The following CDKL5 variants were observed in gnomAD, a reference collection of about 807,000 sequenced individuals.
The protein encoded by CDKL5 is cyclin-dependent kinase-like 5.
Under a neutral mutation model 61.7 loss-of-function variants are expected in CDKL5, and 8 were observed. The observed-to-expected ratio is 0.13, with a 90% CI of 0.08 to 0.23. CDKL5 has a LOEUF of 0.23. Among genes scored for constraint, CDKL5 ranks in the 10% least tolerant of loss-of-function variants. CDKL5 has a pLI of 1.00. For missense variants in CDKL5, 440 were observed against 734.5 expected (o/e 0.60, Z 4.63); for synonymous variants, 275 against 272.3 (o/e 1.01, Z -0.10).
At chrX:18,530,553 C>G (rs894799575) in intron 3 of CDKL5, among the ~76,000 whole-genome samples, 1 of 110,971 alleles carries the variant, frequency 9.0e-6, no homozygotes, top group Non-Finnish European at 1.9e-5. Flanking sequence ...GCTTACATTA[C>G]CCATCTGTTC....
chrX:18,438,768 C>T (rs1443951716), intron 1 of CDKL5, among the ~76,000 whole-genome samples: 2 of 89,665 alleles, frequency 2.2e-5, no homozygotes, highest in African/African-American at 8.7e-5. Context: ...CCAGCCTGGG[C>T]GACAGAGCGA....
At chrX:18,446,364 CAAAAA>C (rs993989634) in intron 1 of CDKL5, among the ~76,000 whole-genome samples, 2 of 105,988 alleles carry the variant, frequency 1.9e-5, no homozygotes, top group African/African-American at 7.2e-5. Context: ...AAAAAAAAAA[CAAAAA>C]AACAAAAAAA....
intron 1 of CDKL5, among the ~76,000 whole-genome samples, chrX:18,475,208 C>T (rs1044807663): frequency 2.7e-5 from 3 of 111,837 alleles, no homozygotes; most frequent in Non-Finnish European, 5.6e-5. Context: ...ATCCGCCCAC[C>T]TTGGCCTCCC....
In CDKL5 at chrX:18,630,473, C is replaced by T. The variant is rs1927202308; in HGVS notation, c.*1716C>T. 1.3e-6 allele frequency: 1 copy of T among 750,422 alleles called. No homozygotes were observed. The highest frequency in any genetic ancestry group is 9.0e-5 in the Admixed American group (1 of 11,097). 61.8% of individuals were successfully genotyped at this position (750,422 alleles called of 1,213,427 possible). On this transcript the variant is annotated 3_prime_UTR_variant, in exon 18 of 18. Transcript: ENST00000623535. ...TGTCCTCAAATTCTGAGTGTCAGCC[C>T]CTGCATCAAGTCAGCTATGATCAAA...
chrX:18,587,817 CCTT>C (rs1218966943), intron 8 of CDKL5, 134 bp from the exon 9 acceptor site: 8 of 568,040 alleles, frequency 1.4e-5, no homozygotes, highest in East Asian at 3.6e-5. Flanking sequence ...TGCTTTTCAG[CCTT>C]CTTTTCACAT....
chrX:18,548,561 G>A (rs1443849073), intron 3 of CDKL5, among the ~76,000 whole-genome samples: 1 of 112,332 alleles, frequency 8.9e-6, no homozygotes, highest in Non-Finnish European at 1.9e-5. Context: ...ATGGCAAAAC[G>A]CTGTGACTTG....
intron 14 of CDKL5, among the ~76,000 whole-genome samples, chrX:18,609,807 G>A (rs1464138753): frequency 1.8e-5 from 2 of 111,464 alleles, no homozygotes; most frequent in Non-Finnish European, 3.8e-5. Context: ...AGAGACTAGA[G>A]TGATCCTTCT....
chrX:18,577,670 T>G (rs1315179956), intron 5 of CDKL5, among the ~76,000 whole-genome samples: 4 of 111,884 alleles, frequency 3.6e-5, no homozygotes, highest in Non-Finnish European at 7.5e-5. Context: ...CCACATTAGC[T>G]GCAAGGCAGA....
chrX:18,447,380 C>G (rs753871137), intron 1 of CDKL5, among the ~76,000 whole-genome samples: 1 of 111,485 alleles, frequency 9.0e-6, no homozygotes, highest in East Asian at 2.8e-4. Context: ...TCCTAGCTAC[C>G]TAACTTCTCC....
chrX:18,451,420 G>A (rs1052795801), intron 1 of CDKL5, among the ~76,000 whole-genome samples: 6 of 111,779 alleles, frequency 5.4e-5, no homozygotes, highest in Non-Finnish European at 9.4e-5. Context: ...TTGAACTCCC[G>A]ACCTCAGGTG....
intron 3 of CDKL5, among the ~76,000 whole-genome samples, chrX:18,550,851 G>C (rs888415099): frequency 5.3e-5 from 6 of 112,975 alleles, no homozygotes; most frequent in African/African-American, 1.9e-4. Context: ...CTGAAAGGCT[G>C]TCTGACAGGC....
intron 1 of CDKL5, among the ~76,000 whole-genome samples, chrX:18,430,365 A>T (rs1184821746): frequency 1.8e-5 from 2 of 112,214 alleles, no homozygotes; most frequent in African/African-American, 6.5e-5. Context: ...AGCCATTATA[A>T]TTTGCAGATG....
Position 18,630,028 on chromosome X carries a change from G to A in CDKL5, c.*1271G>A. ...TTGGCTGATGGGGTGTGAGATATAT[G>A]TGTGGCATTTCTATTTCTGAATGCC... is the stretch of plus-strand genomic sequence containing the variant. On this transcript the variant is annotated 3_prime_UTR_variant, in exon 18 of 18. Coordinates refer to ENST00000623535, the MANE Select transcript of CDKL5 (RefSeq NM_001323289.2). 1 of 753,734 alleles carries A rather than the reference G, an allele frequency of 1.3e-6. No individual in the cohort carries two copies. Among genetic ancestry groups the A allele is most frequent in the Non-Finnish European group, 1.6e-6 (1 of 638,913 alleles). 62.1% of individuals were successfully genotyped at this position (753,734 alleles called of 1,213,427 possible).
intron 5 of CDKL5, among the ~76,000 whole-genome samples, chrX:18,578,894 T>C (rs1925383650): frequency 8.9e-6 from 1 of 112,624 alleles, no homozygotes; most frequent in Non-Finnish European, 1.9e-5. Context: ...TTTTCTTTTT[T>C]AAAGGCAAGG....
At chrX:18,555,264 G>T (rs1214007096) in intron 3 of CDKL5, among the ~76,000 whole-genome samples, 1 of 111,019 alleles carries the variant, frequency 9.0e-6, no homozygotes, top group Non-Finnish European at 1.9e-5. Context: ...CTTGGGGGGA[G>T]CACAGTCACC....
chrX:18,531,217 G>A (rs1923631528), intron 3 of CDKL5, among the ~76,000 whole-genome samples: 1 of 111,908 alleles, frequency 8.9e-6, no homozygotes, highest in Admixed American at 9.5e-5. Context: ...TTTTCTCTTG[G>A]ACTGTTGACC....
At chrX:18,542,407 A>G (rs919267302) in intron 3 of CDKL5, among the ~76,000 whole-genome samples, 3 of 111,542 alleles carry the variant, frequency 2.7e-5, no homozygotes, top group Non-Finnish European at 5.6e-5. Context: ...TAGAGTAGTT[A>G]TTGTCTAAGG....
At chrX:18,509,178 C>T (rs1165465165) in intron 2 of CDKL5, among the ~76,000 whole-genome samples, 6 of 70,195 alleles carry the variant, frequency 8.5e-5, no homozygotes, top group Admixed American at 5.6e-4. Context: ...GATGAGAGAG[C>T]GAGACTGTCT....
chrX:18,574,732 C>G (rs193265696), intron 4 of CDKL5, among the ~76,000 whole-genome samples: 1 of 111,723 alleles, frequency 9.0e-6, no homozygotes, highest in Admixed American at 9.5e-5. Flanking sequence ...GAACCTACAG[C>G]AGCTGCTGTT....
Sources: gnomAD v4.1 joint callset for allele counts (sites outside exome capture counted in the v4.1 genomes callset) on GRCh38, gnomAD v4.1.1 for gene constraint, MANE v1.5 for transcripts, NCBI Gene and HGNC (gene_info 2026-07-23, HGNC 2026-07-21) for gene names.